The following SYNJ2BP variants were observed in gnomAD, a reference collection of about 807,000 sequenced individuals.
SYNJ2BP encodes the protein synaptojanin 2 binding protein.
A neutral mutation model predicts 16.9 loss-of-function variants in SYNJ2BP; 10 were observed. The ratio of observed to expected loss-of-function variants is 0.59; its 90% CI spans 0.36 to 1.00. The LOEUF (loss-of-function observed/expected upper bound fraction) is 1.00, where lower values mean the gene tolerates loss of function less well. SYNJ2BP is among the 50% of genes least tolerant of loss of function. The probability of loss-of-function intolerance (pLI) is 0.01; values close to 1 mark genes in which losing one functional copy is unlikely to be tolerated. For missense variants in SYNJ2BP, 162 were observed against 186.7 expected (o/e 0.87, Z 0.77); for synonymous variants, 54 against 68.4 (o/e 0.79, Z 1.04).
intron 1 of SYNJ2BP, among the ~76,000 whole-genome samples, chr14:70,399,131 C>T (rs1415702799): frequency 6.6e-6 from 1 of 152,136 alleles, no homozygotes; most frequent in South Asian, 2.1e-4. Context: ...GTCCCCAAAG[C>T]AGGCGCCGCT....
At chr14:70,375,315 C>G (rs567189558) in intron 3 of SYNJ2BP, among the ~76,000 whole-genome samples, 1 of 151,780 alleles carries the variant, frequency 6.6e-6, no homozygotes, top group African/African-American at 2.4e-5. Flanking sequence ...AATCCTCCCA[C>G]CTTAGCATCC....
chr14:70,402,515 C>T (rs1461605593), intron 1 of SYNJ2BP, among the ~76,000 whole-genome samples: 1 of 151,900 alleles, frequency 6.6e-6, no homozygotes, highest in African/African-American at 2.4e-5. Flanking sequence ...TGCAAATCTG[C>T]CTGGTTTTTA....
At chr14:70,378,337 A>G (rs1460809648) in intron 2 of SYNJ2BP, among the ~76,000 whole-genome samples, 1 of 151,840 alleles carries the variant, frequency 6.6e-6, no homozygotes, top group Non-Finnish European at 1.5e-5. Context: ...CTAGACCCTA[A>G]TTCAACATAT....
chr14:70,375,813 T>C, intron 2 of SYNJ2BP, 42 bp from the exon 3 acceptor site: 2 of 1,596,952 alleles, frequency 1.3e-6, no homozygotes, highest in South Asian at 1.1e-5. Flanking sequence ...AAGAAGGCTA[T>C]TAGAAGTCAA....
chr14:70,396,834 G>GGTT (rs1379212173), intron 1 of SYNJ2BP, among the ~76,000 whole-genome samples: 1 of 151,968 alleles, frequency 6.6e-6, no homozygotes, highest in Non-Finnish European at 1.5e-5. Context: ...TTTTGAATTG[G>GGTT]GTTGTTTTCT....
chr14:70,373,726 A>G lies in SYNJ2BP; in HGVS notation c.298-595T>C, dbSNP rs1887566963. 2.0e-5 allele frequency among the ~76,000 whole-genome samples: 3 copies of G among 152,194 alleles called. No individual in the cohort carries two copies. In the South Asian group the frequency reaches 6.2e-4, roughly 32 times the overall value. ...ACTAGAGAGAGATGAAGGTGAATCT[A>G]TATGGAACAGATGTAAAAAAGCAAA... On this transcript the variant is annotated intron_variant, in intron 3 of 3. Coordinates refer to ENST00000256366, the MANE Select transcript of SYNJ2BP (RefSeq NM_018373.3).
At chr14:70,394,136 AG>A (rs1888039864) in intron 1 of SYNJ2BP, among the ~76,000 whole-genome samples, 1 of 152,128 alleles carries the variant, frequency 6.6e-6, no homozygotes, top group Admixed American at 6.5e-5. Flanking sequence ...GTAAAAAAAA[AG>A]AAACATGGAG....
At chr14:70,388,233 T>C (rs986998933) in intron 2 of SYNJ2BP, among the ~76,000 whole-genome samples, 4 of 152,246 alleles carry the variant, frequency 2.6e-5, no homozygotes, top group African/African-American at 9.6e-5. Context: ...CTTGTGCTTT[T>C]TGAACAAGTA....
chr14:70,416,841 GT>G, intron 1 of SYNJ2BP, 58 bp downstream of exon 1: 1 of 1,611,550 alleles, frequency 6.2e-7, no homozygotes. Flanking sequence ...AGCAGCAGAG[GT>G]GTCTGCAATT....
chr14:70,383,564 A>G (rs938646213), intron 2 of SYNJ2BP, among the ~76,000 whole-genome samples: 10 of 152,182 alleles, frequency 6.6e-5, no homozygotes, highest in Admixed American at 6.5e-4. Context: ...GGAACATTCA[A>G]CTGTGTAGTA....
chr14:70,399,481 C>A (rs1438150826), intron 1 of SYNJ2BP, among the ~76,000 whole-genome samples: 1 of 152,204 alleles, frequency 6.6e-6, no homozygotes, highest in Admixed American at 6.5e-5. Flanking sequence ...TCTGGAGCAA[C>A]AGAGGCTCCG....
intron 2 of SYNJ2BP, among the ~76,000 whole-genome samples, chr14:70,388,098 C>G (rs1263111084): frequency 6.6e-6 from 1 of 152,070 alleles, no homozygotes; most frequent in Non-Finnish European, 1.5e-5. Context: ...GGCTGACATT[C>G]CCCCAAAGGA....
intron 1 of SYNJ2BP, among the ~76,000 whole-genome samples, chr14:70,406,804 C>T (rs569987009): frequency 1.3e-5 from 2 of 152,154 alleles, no homozygotes; most frequent in African/African-American, 4.8e-5. Context: ...TCCAACCCCC[C>T]ACCTGACAAA....
At chr14:70,398,658 A>G (rs747059076) in intron 1 of SYNJ2BP, among the ~76,000 whole-genome samples, 41 of 152,094 alleles carry the variant, frequency 2.7e-4, no homozygotes, top group Non-Finnish European at 2.2e-4. Context: ...TGCAGGGGGA[A>G]CCTTCCTGGG....
chr14:70,403,692 T>C (rs886673283), intron 1 of SYNJ2BP, among the ~76,000 whole-genome samples: 1 of 152,296 alleles, frequency 6.6e-6, no homozygotes, highest in East Asian at 1.9e-4. Flanking sequence ...AATCAACAAA[T>C]AGCCATAAAA....
Position 70,367,277 on chromosome 14 carries a change from A to G in SYNJ2BP, c.*5714T>C, listed in dbSNP as rs146386783. On this transcript the variant is annotated 3_prime_UTR_variant, in exon 4 of 4. Transcript: ENST00000256366. ...GCTTTGTGTTCTGTATATAAATTACATAATACAAGAGTCTGTGGCAGTTAA... is the reference window on the plus strand; with the variant it reads ...GCTTTGTGTTCTGTATATAAATTACGTAATACAAGAGTCTGTGGCAGTTAA... 14 of 152,316 alleles carry G rather than the reference A, an allele frequency of 9.2e-5. No homozygotes were observed. In the East Asian group the frequency reaches 2.3e-3, roughly 25 times the overall value. The allele number at this position is 152,316 out of a possible 1,614,324, so 9.4% of individuals were successfully genotyped here.
chr14:70,413,592 T>C (rs1888536906), intron 1 of SYNJ2BP, among the ~76,000 whole-genome samples: 1 of 152,190 alleles, frequency 6.6e-6, no homozygotes, highest in Non-Finnish European at 1.5e-5. Context: ...TGAGACAAGA[T>C]CGTGCCACTG....
In SYNJ2BP at chr14:70,416,177, G is replaced by A. The variant is rs113035865; in HGVS notation, c.64+723C>T. ...TGTCAAGAGCCCGGTTTAATGAAGA[G>A]CCACAGTGGGGGAAGAGGATAGCAG... On this transcript the variant is annotated intron_variant, in intron 1 of 3. Transcript: ENST00000256366. 9.3e-3 allele frequency among the ~76,000 whole-genome samples: 1,414 copies of A among 152,250 alleles called. 12 individuals are homozygous for A. The highest frequency in any genetic ancestry group is 0.015 in the Non-Finnish European group (1,028 of 68,018).
At chr14:70,384,919 T>C (rs764576405) in intron 2 of SYNJ2BP, among the ~76,000 whole-genome samples, 1 of 152,170 alleles carries the variant, frequency 6.6e-6, no homozygotes, top group Non-Finnish European at 1.5e-5. Flanking sequence ...TGAAAACAGA[T>C]TGATACAGCC....
Sources: allele counts gnomAD v4.1 joint callset (sites outside exome capture counted in the v4.1 genomes callset), GRCh38; gene constraint gnomAD v4.1.1; transcripts MANE v1.5; gene names NCBI Gene and HGNC (gene_info 2026-07-23, HGNC 2026-07-21).